ADAMTS17: variants seen among roughly 807,000 people sequenced by gnomAD.
ADAMTS17 encodes the protein ADAM metallopeptidase with thrombospondin type 1 motif 17.
Under a neutral mutation model 141.5 loss-of-function variants are expected in ADAMTS17, and 113 were observed. The ratio of observed to expected loss-of-function variants is 0.80; its 90% CI spans 0.69 to 0.93. ADAMTS17 has a LOEUF of 0.93. Among genes scored for constraint, ADAMTS17 ranks in the 40% least tolerant of loss-of-function variants. The pLI is 0.00. For missense variants in ADAMTS17, 1,659 were observed against 1,517.9 expected, an observed-to-expected ratio of 1.09 and a Z score of -1.54; for synonymous variants, 768 against 630.6, an observed-to-expected ratio of 1.22 and a Z score of -3.27.
intron 7 of ADAMTS17, among the ~76,000 whole-genome samples, chr15:100,244,672 C>T (rs1305631662): frequency 6.6e-6 from 1 of 152,036 alleles, no homozygotes; most frequent in Admixed American, 6.5e-5. Context: ...TAAACAGGAC[C>T]TTGAGGGCCA....
chr15:100,264,729 C>A (rs1171690527), intron 4 of ADAMTS17, among the ~76,000 whole-genome samples: 1 of 152,046 alleles, frequency 6.6e-6, no homozygotes, highest in African/African-American at 2.4e-5. Context: ...TAGCCCAAAG[C>A]TCAGTCGCCT....
At chr15:100,154,571 C>A (rs376075162) in intron 9 of ADAMTS17, among the ~76,000 whole-genome samples, 30 of 152,196 alleles carry the variant, frequency 2.0e-4, no homozygotes, top group East Asian at 1.5e-3. Flanking sequence ...GTAAACCCAA[C>A]CCTGAGGTCT....
At chr15:100,078,551 A>G (rs930694485) in intron 15 of ADAMTS17, among the ~76,000 whole-genome samples, 1 of 144,128 alleles carries the variant, frequency 6.9e-6, no homozygotes, top group African/African-American at 2.9e-5. Flanking sequence ...ATTTCAGACC[A>G]TACAAAAAAA....
At chr15:100,076,151 T>TA in intron 15 of ADAMTS17, among the ~76,000 whole-genome samples, 1 of 152,298 alleles carries the variant, frequency 6.6e-6, no homozygotes, top group Middle Eastern at 3.4e-3. Context: ...CAAGCAATTC[T>TA]CCTACCTCAG....
chr15:100,025,206 C>T (rs553596736), intron 18 of ADAMTS17, among the ~76,000 whole-genome samples: 2 of 152,144 alleles, frequency 1.3e-5, no homozygotes, highest in East Asian at 1.9e-4. Flanking sequence ...TGTAAGTTTC[C>T]TTGCCACATT....
At position 100,254,356 on chromosome 15, in the gene ADAMTS17, C is replaced by T. The variant is rs567581778; in HGVS notation, c.1032-177G>A. ...GCAACAGTAATCCATCCACATTTCCCGGGGTAGGTCCACTTACCCCACATG... is the reference window on the plus strand; with the variant it reads ...GCAACAGTAATCCATCCACATTTCCTGGGGTAGGTCCACTTACCCCACATG... On this transcript the variant is annotated intron_variant, in intron 6 of 21. Coordinates refer to ENST00000268070, the MANE Select transcript of ADAMTS17 (RefSeq NM_139057.4). 9.9e-5 allele frequency among the ~76,000 whole-genome samples: 15 copies of T among 152,268 alleles called. No homozygotes were observed. In the East Asian group the frequency reaches 1.5e-3, roughly 16 times the overall value.
chr15:100,307,422 A>G (rs7162020), intron 3 of ADAMTS17, among the ~76,000 whole-genome samples: 39,402 of 152,128 alleles, frequency 0.26, 5,476 homozygotes, highest in South Asian at 0.41. Context: ...CCAGAGTGAA[A>G]CAAAAGAAAG....
chr15:100,095,573 C>G (rs917339488), intron 15 of ADAMTS17, among the ~76,000 whole-genome samples: 10 of 152,214 alleles, frequency 6.6e-5, no homozygotes, highest in African/African-American at 2.4e-4. Context: ...CCTCCCAACA[C>G]AAGTTCTCCT....
intron 8 of ADAMTS17, among the ~76,000 whole-genome samples, chr15:100,159,874 A>G (rs1040961235): frequency 6.6e-6 from 1 of 152,244 alleles, no homozygotes; most frequent in African/African-American, 2.4e-5. Flanking sequence ...CAGGAATGTA[A>G]GCCTAAGAGA....
rs570174399 is a variant in ADAMTS17, at chr15:100,030,258, G to A, written c.2591+18599C>T. Among the ~76,000 whole-genome samples the A allele has an allele frequency of 1.3e-3, 204 of 152,318 alleles. 1 individual carries two copies. The highest frequency in any genetic ancestry group is 4.8e-3 in the African/African-American group (198 of 41,568). The stretch of plus-strand genomic sequence containing the variant: ...AACACGACTGAGCCATGTGCACGGT[G>A]TGGGCCAGGGCACGTTCATTACCTC... On this transcript the variant is annotated intron_variant, in intron 18 of 21. Coordinates refer to ENST00000268070, the MANE Select transcript of ADAMTS17 (RefSeq NM_139057.4).
intron 7 of ADAMTS17, among the ~76,000 whole-genome samples, chr15:100,204,594 A>C (rs117443653): frequency 0.023 from 3,556 of 152,378 alleles, 61 homozygotes; most frequent in Non-Finnish European, 0.036. Flanking sequence ...GGAATAAAAA[A>C]GTTGGACCCC....
At chr15:100,111,090 T>C (rs2036749297) in intron 13 of ADAMTS17, among the ~76,000 whole-genome samples, 1 of 152,096 alleles carries the variant, frequency 6.6e-6, no homozygotes, top group African/African-American at 2.4e-5. Context: ...AGACTGGAGA[T>C]CTGAAGCCTC....
At chr15:100,198,206 G>C (rs140851961) in intron 8 of ADAMTS17, among the ~76,000 whole-genome samples, 64 of 152,056 alleles carry the variant, frequency 4.2e-4, no homozygotes, top group Non-Finnish European at 7.8e-4. Context: ...AAAACAAAAA[G>C]GTCATAAAAT....
intron 8 of ADAMTS17, among the ~76,000 whole-genome samples, chr15:100,157,888 C>CT (rs1215411149): frequency 0.052 from 7,394 of 141,332 alleles, 204 homozygotes; most frequent in South Asian, 0.1. Flanking sequence ...TAGCTATATT[C>CT]TTTTTTTTTT....
chr15:100,063,855 C>T (rs1009143587), intron 15 of ADAMTS17: 11 of 834,550 alleles, frequency 1.3e-5, no homozygotes, highest in Non-Finnish European at 1.7e-5. Context: ...CCAAGCCCCC[C>T]ACAGTGGCTT....
chr15:100,187,065 G>A (rs1275808831), intron 8 of ADAMTS17, among the ~76,000 whole-genome samples: 1 of 152,152 alleles, frequency 6.6e-6, no homozygotes, highest in Non-Finnish European at 1.5e-5. Context: ...CCAGACTCAT[G>A]TGAAGCAACT....
intron 3 of ADAMTS17, among the ~76,000 whole-genome samples, chr15:100,301,339 A>ATATT (rs368057785): frequency 1.3e-3 from 198 of 150,864 alleles, no homozygotes; most frequent in African/African-American, 4.8e-3. Context: ...ATATATATAT[A>ATATT]TTTTTCTGAG....
chr15:100,181,704 C>A (rs144766138), intron 8 of ADAMTS17, among the ~76,000 whole-genome samples: 1 of 152,356 alleles, frequency 6.6e-6, no homozygotes, highest in East Asian at 1.9e-4. Flanking sequence ...AGACAATGTT[C>A]TCTTTACGCT....
In ADAMTS17 at chr15:100,213,889, C is replaced by T. The variant is rs572210500; in HGVS notation, c.1076-14466G>A. 1.4e-4 allele frequency among the ~76,000 whole-genome samples: 21 copies of T among 152,374 alleles called. 1 individual carries two copies. In the South Asian group the frequency reaches 3.9e-3, roughly 29 times the overall value. ...GACCCCTGAGGGTCAGATAGAGGTG[C>T]TGAGCCCCTATGTCAAAGTTATTAA... On this transcript the variant is annotated intron_variant, in intron 7 of 21. Coordinates refer to ENST00000268070, the MANE Select transcript of ADAMTS17 (RefSeq NM_139057.4).
Sources: gnomAD v4.1 joint callset for allele counts (sites outside exome capture counted in the v4.1 genomes callset) on GRCh38, gnomAD v4.1.1 for gene constraint, MANE v1.5 for transcripts, NCBI Gene and HGNC (gene_info 2026-07-23, HGNC 2026-07-21) for gene names.